Variants in ARHGAP10 observed in about 807,000 individuals in gnomAD.
ARHGAP10 encodes the protein Rho GTPase activating protein 10.
In ARHGAP10, 87 loss-of-function variants were observed where a neutral mutation model predicts 108.6. The observed-to-expected ratio is 0.80, with a 90% CI of 0.67 to 0.96. ARHGAP10 has a LOEUF of 0.96. Among genes scored for constraint, ARHGAP10 ranks in the 40% least tolerant of loss-of-function variants. The pLI, the probability that ARHGAP10 is intolerant of heterozygous loss-of-function variation, is 0.00. For synonymous variants in ARHGAP10, 347 were observed against 341.1 expected (o/e 1.02, Z -0.19); for missense variants, 939 against 954.5 (o/e 0.98, Z 0.21).
chr4:147,788,598 A>G (rs1321590244), intron 1 of ARHGAP10, among the ~76,000 whole-genome samples: 2 of 152,216 alleles, frequency 1.3e-5, no homozygotes, highest in East Asian at 1.9e-4. Flanking sequence ...AGGTTCCTCC[A>G]TTAACCTCTA....
At chr4:148,042,235 C>T (rs1221053362) in intron 19 of ARHGAP10, among the ~76,000 whole-genome samples, 1 of 152,214 alleles carries the variant, frequency 6.6e-6, no homozygotes, top group East Asian at 1.9e-4. Flanking sequence ...CTCTCTCACC[C>T]TTCACCTTTG....
At chr4:147,924,984 T>A (rs2358180) in intron 13 of ARHGAP10, among the ~76,000 whole-genome samples, 17,559 of 151,682 alleles carry the variant, frequency 0.12, 2,106 homozygotes, top group East Asian at 0.3. Flanking sequence ...TTTTTTTTTT[T>A]AAAATAGCAA....
In ARHGAP10 at chr4:147,885,113, T is replaced by C. The variant is rs572924960; in HGVS notation, c.1034+3181T>C. On this transcript the variant is annotated intron_variant, in intron 10 of 22. Transcript: ENST00000336498. Reference sequence around the variant, plus strand: ...AAGGTTTCTGGCTTGAGTAGCTAGATGGTACCATTCACTAAGGTGGGAAAC... The same window carrying C: ...AAGGTTTCTGGCTTGAGTAGCTAGACGGTACCATTCACTAAGGTGGGAAAC... Among the ~76,000 whole-genome samples the C allele has an allele frequency of 7.3e-5, 11 of 150,836 alleles. No individual in the cohort carries two copies. In the South Asian group the frequency reaches 1.9e-3, roughly 26 times the overall value.
chr4:147,995,369 C>G (rs544799482), intron 18 of ARHGAP10, among the ~76,000 whole-genome samples: 2 of 152,176 alleles, frequency 1.3e-5, no homozygotes, highest in South Asian at 4.2e-4. Context: ...AACCCTGGCT[C>G]TAGGTGAAAA....
intron 18 of ARHGAP10, among the ~76,000 whole-genome samples, chr4:148,010,924 A>G (rs1741147629): frequency 6.6e-6 from 1 of 152,228 alleles, no homozygotes; most frequent in Non-Finnish European, 1.5e-5. Context: ...ATCATACATT[A>G]TATTTAATAA....
At chr4:148,056,784 T>G (rs756520662) in intron 20 of ARHGAP10, among the ~76,000 whole-genome samples, 4 of 152,236 alleles carry the variant, frequency 2.6e-5, no homozygotes, top group African/African-American at 7.2e-5. Context: ...ATAGTCATAC[T>G]TTTTTCCCTT....
intron 20 of ARHGAP10, among the ~76,000 whole-genome samples, chr4:148,061,347 A>C (rs1447483944): frequency 6.6e-6 from 1 of 152,022 alleles, no homozygotes; most frequent in Non-Finnish European, 1.5e-5. Context: ...AATTGCTGGG[A>C]GATAACTTGG....
At chr4:148,028,069 TAAG>T (rs2149667223) in intron 19 of ARHGAP10, among the ~76,000 whole-genome samples, 1 of 152,270 alleles carries the variant, frequency 6.6e-6, no homozygotes, top group South Asian at 2.1e-4. Flanking sequence ...TGCAGTGAAA[TAAG>T]AAACAACGTG....
intron 13 of ARHGAP10, among the ~76,000 whole-genome samples, chr4:147,915,726 C>T (rs1736954770): frequency 6.6e-6 from 1 of 152,150 alleles, no homozygotes; most frequent in Non-Finnish European, 1.5e-5. Flanking sequence ...CCCCAAAGGT[C>T]TTCCATTACT....
At chr4:147,861,201 C>CA (rs1734306702) in intron 5 of ARHGAP10, 1 of 152,438 alleles carries the variant, frequency 6.6e-6, no homozygotes, top group African/African-American at 2.4e-5. Context: ...CACAGCCGGG[C>CA]ATGCCGACTG....
At chr4:148,026,147 G>C (rs1741756391) in intron 19 of ARHGAP10, among the ~76,000 whole-genome samples, 1 of 152,208 alleles carries the variant, frequency 6.6e-6, no homozygotes, top group Non-Finnish European at 1.5e-5. Flanking sequence ...TGGTATTTGA[G>C]TGAAGTGGTT....
intron 19 of ARHGAP10, among the ~76,000 whole-genome samples, chr4:148,039,293 A>C (rs1728516997): frequency 6.6e-6 from 1 of 150,810 alleles, no homozygotes; most frequent in Non-Finnish European, 1.5e-5. Context: ...TTATGCCCTC[A>C]CATTTGAAGG....
chr4:147,753,529 T>C (rs1387946765), intron 1 of ARHGAP10, among the ~76,000 whole-genome samples: 1 of 151,398 alleles, frequency 6.6e-6, no homozygotes, highest in African/African-American at 2.4e-5. Context: ...TTTTTTTTTT[T>C]TTTTAGTGGA....
intron 10 of ARHGAP10, among the ~76,000 whole-genome samples, chr4:147,901,185 T>G (rs4835106): frequency 0.91 from 138,982 of 152,254 alleles, 64,470 homozygotes; most frequent in Non-Finnish European, 0.99. Flanking sequence ...AATTGATTAT[T>G]AGAAAAGAAA....
intron 18 of ARHGAP10, among the ~76,000 whole-genome samples, chr4:148,006,850 C>G (rs532256254): frequency 2.0e-5 from 3 of 152,268 alleles, no homozygotes; most frequent in African/African-American, 7.2e-5. Context: ...GAGTCAGCTC[C>G]ATGGCTAAGA....
chr4:147,930,453 A>G (rs1737633276), intron 13 of ARHGAP10, among the ~76,000 whole-genome samples: 1 of 152,204 alleles, frequency 6.6e-6, no homozygotes, highest in Admixed American at 6.5e-5. Flanking sequence ...CGGGTATAAA[A>G]ACTGCCCCTG....
At chr4:148,029,824 A>G (rs1728054131) in intron 19 of ARHGAP10, among the ~76,000 whole-genome samples, 1 of 152,186 alleles carries the variant, frequency 6.6e-6, no homozygotes, top group South Asian at 2.1e-4. Context: ...GTGTGACAGT[A>G]TATGTAGACA....
chr4:147,800,242 C>T (rs890299509), intron 1 of ARHGAP10, among the ~76,000 whole-genome samples: 1 of 152,194 alleles, frequency 6.6e-6, no homozygotes, highest in South Asian at 2.1e-4. Context: ...GGCATAGTCC[C>T]CCTTCCTGTG....
At position 147,877,833 on chromosome 4, in the gene ARHGAP10, TTG is replaced by T. The variant is rs1488102524; in HGVS notation, c.833-1398_833-1397del. Among the ~76,000 whole-genome samples, 63 of 151,828 alleles carry T rather than the reference TTG, an allele frequency of 4.1e-4. 1 individual carries two copies. The highest frequency in any genetic ancestry group is 1.4e-3 in the African/African-American group (57 of 41,302). On this transcript the variant is annotated intron_variant, in intron 8 of 22. Coordinates refer to ENST00000336498, the MANE Select transcript of ARHGAP10 (RefSeq NM_024605.4). ...TATTCTTCATACTTTTTTTTTTTTT[TTG>T]CTGAGATTACAGGCATGAGCCACGA...
Sources: gnomAD v4.1 joint callset for allele counts (sites outside exome capture counted in the v4.1 genomes callset) on GRCh38, gnomAD v4.1.1 for gene constraint, MANE v1.5 for transcripts, NCBI Gene and HGNC (gene_info 2026-07-23, HGNC 2026-07-21) for gene names.